Variants in GLYATL2 observed in about 807,000 individuals in gnomAD.
GLYATL2 encodes the protein glycine-N-acyltransferase like 2, also known as glycine N-acyltransferase-like protein 2.
GLYATL2 carries 25 observed loss-of-function variants against 21.4 expected under a neutral mutation model. The observed-to-expected ratio is 1.17, with a 90% confidence interval of 0.85 to 1.63. The LOEUF is 1.63. Among genes scored for constraint, GLYATL2 ranks in the 40% most tolerant of loss-of-function variants. The pLI, the probability that GLYATL2 is intolerant of heterozygous loss-of-function variation, is 0.00. For synonymous variants in GLYATL2, 114 were observed against 118.2 expected, an observed-to-expected ratio of 0.96 and a Z score of 0.23; for missense variants, 361 against 343.3, an observed-to-expected ratio of 1.05 and a Z score of -0.41.
chr11:58,894,476 CAAAAAA>C (rs1554980634), intron 1 of GLYATL2, among the ~76,000 whole-genome samples: 1 of 116,548 alleles, frequency 8.6e-6, no homozygotes, highest in Non-Finnish European at 1.7e-5. Flanking sequence ...GCAGCTATAG[CAAAAAA>C]AAAAAAAAAA....
At chr11:58,861,714 T>G (rs1853935573) in intron 1 of GLYATL2, among the ~76,000 whole-genome samples, 1 of 152,078 alleles carries the variant, frequency 6.6e-6, no homozygotes, top group Admixed American at 6.5e-5. Context: ...CAAGTTTTGG[T>G]ATGTTGAGTT....
chr11:58,883,290 G>T (rs957725442), intron 1 of GLYATL2, among the ~76,000 whole-genome samples: 1 of 151,844 alleles, frequency 6.6e-6, no homozygotes, highest in African/African-American at 2.4e-5. Context: ...CTGGTTTTTT[G>T]AAAAGATCAA....
intron 3 of GLYATL2, among the ~76,000 whole-genome samples, chr11:58,837,847 T>A (rs1853468288): frequency 6.6e-6 from 1 of 152,192 alleles, no homozygotes; most frequent in East Asian, 1.9e-4. Context: ...AGAACCATCA[T>A]TCCAGAGCCA....
chr11:58,880,654 G>GT (rs1393124953), intron 1 of GLYATL2, among the ~76,000 whole-genome samples: 2 of 152,126 alleles, frequency 1.3e-5, no homozygotes, highest in Non-Finnish European at 1.5e-5. Context: ...AAAAGACCAG[G>GT]TTTTTTGTTT....
At chr11:58,859,420 G>A (rs1349972239) in intron 1 of GLYATL2, among the ~76,000 whole-genome samples, 1 of 152,122 alleles carries the variant, frequency 6.6e-6, no homozygotes, top group Non-Finnish European at 1.5e-5. Flanking sequence ...AAAACTCAGA[G>A]AGAGAGAGAG....
intron 1 of GLYATL2, among the ~76,000 whole-genome samples, chr11:58,869,300 T>C (rs1473382009): frequency 1.3e-5 from 2 of 152,148 alleles, no homozygotes; most frequent in Middle Eastern, 3.2e-3. Flanking sequence ...TGCTGTTGAG[T>C]GGGAAAGTGG....
intron 1 of GLYATL2, among the ~76,000 whole-genome samples, chr11:58,865,460 G>A (rs939801930): frequency 6.7e-6 from 1 of 149,018 alleles, no homozygotes; most frequent in African/African-American, 2.4e-5. Flanking sequence ...GCCTCAAGAG[G>A]AAGAGACTCA....
At chr11:58,887,199 G>A (rs575581031) in intron 1 of GLYATL2, among the ~76,000 whole-genome samples, 2 of 151,982 alleles carry the variant, frequency 1.3e-5, no homozygotes, top group African/African-American at 4.8e-5. Context: ...TATAAAGTTA[G>A]TCAATAAACA....
intron 5 of GLYATL2, 104 bp from the exon 6 acceptor site, chr11:58,834,941 C>T: frequency 1.3e-6 from 1 of 788,296 alleles, no homozygotes; most frequent in Non-Finnish European, 2.0e-6. Flanking sequence ...ACCCTACAGC[C>T]TGGAGGAGGC....
At chr11:58,870,886 C>CA (rs1365007266) in intron 1 of GLYATL2, among the ~76,000 whole-genome samples, 1 of 152,222 alleles carries the variant, frequency 6.6e-6, no homozygotes, top group East Asian at 1.9e-4. Flanking sequence ...CAAAGACTCT[C>CA]AAAGTCTCTG....
intron 1 of GLYATL2, among the ~76,000 whole-genome samples, chr11:58,878,550 C>T (rs1043703064): frequency 7.9e-5 from 12 of 152,206 alleles, no homozygotes; most frequent in Admixed American, 7.2e-4. Flanking sequence ...CCCTTAGAGG[C>T]CTCTAACAGC....
intron 1 of GLYATL2, among the ~76,000 whole-genome samples, chr11:58,841,704 G>T (rs1853556566): frequency 6.6e-6 from 1 of 152,194 alleles, no homozygotes; most frequent in South Asian, 2.1e-4. Flanking sequence ...AGGATGATGG[G>T]TGCACTAACC....
chr11:58,899,816 A>AATAT (rs34652932), intron 1 of GLYATL2, among the ~76,000 whole-genome samples: 18 of 151,624 alleles, frequency 1.2e-4, no homozygotes, highest in South Asian at 2.1e-4. Flanking sequence ...ATTACAACAG[A>AATAT]ATATATATAT....
At chr11:58,870,929 G>A (rs1057427349) in intron 1 of GLYATL2, among the ~76,000 whole-genome samples, 3 of 152,200 alleles carry the variant, frequency 2.0e-5, no homozygotes, top group East Asian at 1.9e-4. Context: ...GAGAGGCCAT[G>A]AAGAATTGTC....
intron 1 of GLYATL2, among the ~76,000 whole-genome samples, chr11:58,885,226 G>T (rs942209924): frequency 1.3e-5 from 2 of 152,186 alleles, no homozygotes; most frequent in Non-Finnish European, 1.5e-5. Flanking sequence ...TAGCTCTTTG[G>T]TATCACAAGG....
chr11:58,878,663 A>G (rs532132760), intron 1 of GLYATL2, among the ~76,000 whole-genome samples: 84 of 152,154 alleles, frequency 5.5e-4, no homozygotes, highest in African/African-American at 2.0e-3. Context: ...CCTTTGTTTC[A>G]TTTTTCCTGT....
Position 58,834,465 on chromosome 11 carries a change from C to A in GLYATL2, c.849G>T (p.Trp283Cys), listed in dbSNP as rs1853388596. 4 of 1,602,818 alleles carry A rather than the reference C, an allele frequency of 2.5e-6. No individual in the cohort carries two copies. The highest frequency in any genetic ancestry group is 3.4e-6 in the Non-Finnish European group (4 of 1,174,944). ...NLGFKICPCGWHQWKCTPKKY... is the reference protein window; with the variant it reads ...NLGFKICPCGCHQWKCTPKKY... ...TCTTGGGGGTGCATTTCCACTGATG[C>A]CAGCCACAAGGACAAATCTTAAACC... Residue 283 changes from tryptophan to cysteine, a missense_variant, in exon 6 of 6, where the codon TGG becomes TGT. Transcript: ENST00000287275.
At chr11:58,878,278 T>C in intron 1 of GLYATL2, 1 of 452,918 alleles carries the variant, frequency 2.2e-6, no homozygotes, top group Non-Finnish European at 4.0e-6. Flanking sequence ...AAGCAGGATC[T>C]GAAGTGGAGC....
intron 1 of GLYATL2, among the ~76,000 whole-genome samples, chr11:58,872,937 C>A (rs374128529): frequency 6.6e-6 from 1 of 152,100 alleles, no homozygotes; most frequent in Admixed American, 6.6e-5. Flanking sequence ...TTCTTCCATT[C>A]GTTTGTATCC....
Sources: allele counts gnomAD v4.1 joint callset (sites outside exome capture counted in the v4.1 genomes callset), GRCh38; gene constraint gnomAD v4.1.1; transcripts MANE v1.5; gene names NCBI Gene and HGNC (gene_info 2026-07-23, HGNC 2026-07-21).